The following BLTP1 variants were observed in gnomAD, a reference collection of about 807,000 sequenced individuals.
BLTP1 encodes the protein fragile site-associated protein.
chr4:122,257,174 G>A, the BLTP1 span: 3 of 1,365,164 alleles, frequency 2.2e-6, no homozygotes, highest in East Asian at 6.9e-5. Context: ...TATGAGATTT[G>A]AATAAATACA....
chr4:122,249,868 A>G, the BLTP1 span: 4 of 983,764 alleles, frequency 4.1e-6, no homozygotes, highest in African/African-American at 1.7e-5. Flanking sequence ...CTTTTCCTCC[A>G]TTATGTGATT....
chr4:122,168,629 A>G, the BLTP1 span, among the ~76,000 whole-genome samples: 1 of 152,134 alleles, frequency 6.6e-6, no homozygotes, highest in African/African-American at 2.4e-5. Context: ...CTCATGTTAT[A>G]AAGTTAGCCG....
chr4:122,273,368 G>GA, the BLTP1 span: 2 of 984,764 alleles, frequency 2.0e-6, no homozygotes, highest in Non-Finnish European at 2.4e-6. Flanking sequence ...ACGGTTCTCT[G>GA]AAAAAATTAG....
chr4:122,301,415 A>T, the BLTP1 span: 1 of 1,449,082 alleles, frequency 6.9e-7, no homozygotes, highest in Non-Finnish European at 9.3e-7. Flanking sequence ...AAATATAATG[A>T]TACTTTTATA....
the BLTP1 span, among the ~76,000 whole-genome samples, chr4:122,159,823 CT>C: frequency 3.3e-5 from 5 of 152,206 alleles, no homozygotes; most frequent in Admixed American, 2.0e-4. Flanking sequence ...TTAAAGCCTA[CT>C]CTATTTCTAA....
At chr4:122,276,876 G>A in the BLTP1 span, 2 of 984,304 alleles carry the variant, frequency 2.0e-6, no homozygotes, top group African/African-American at 3.5e-5. Flanking sequence ...TAGAGCTACT[G>A]TTGGGCTTTG....
At chr4:122,194,577 A>G in the BLTP1 span, 1 of 963,638 alleles carries the variant, frequency 1.0e-6, no homozygotes, top group Non-Finnish European at 1.2e-6. Flanking sequence ...ATCTCAAGAA[A>G]GGTTTATTTT....
the BLTP1 span, chr4:122,202,614 T>C: frequency 8.8e-6 from 6 of 682,672 alleles, no homozygotes; most frequent in East Asian, 4.0e-4. Flanking sequence ...TTAAAATAGA[T>C]ACCTATCATC....
At chr4:122,289,202 T>A in the BLTP1 span, 1 of 1,569,456 alleles carries the variant, frequency 6.4e-7, no homozygotes, top group Non-Finnish European at 8.7e-7. Context: ...GGTAAGATGA[T>A]CTAGTACCTT....
At chr4:122,304,543 T>C in the BLTP1 span, 1 of 170,726 alleles carries the variant, frequency 5.9e-6, no homozygotes. Context: ...ATGTACAATG[T>C]TTTTTAGACA....
chr4:122,240,313 G>A, the BLTP1 span: 12 of 1,613,950 alleles, frequency 7.4e-6, no homozygotes, highest in Non-Finnish European at 9.3e-6. Flanking sequence ...AGTGAAGAAA[G>A]TTCATCGTCA....
At chr4:122,263,662 T>G in the BLTP1 span, 1 of 1,027,054 alleles carries the variant, frequency 9.7e-7, no homozygotes, top group Non-Finnish European at 1.4e-6. Flanking sequence ...CAAAATCTTA[T>G]TTTTCAGGGG....
chr4:122,298,887 A>T, the BLTP1 span: 11 of 985,260 alleles, frequency 1.1e-5, no homozygotes, highest in Non-Finnish European at 1.2e-5. Context: ...AGAATGAGAT[A>T]AGAATTGTGG....
chr4:122,255,212 T>C, the BLTP1 span: 1 of 1,613,034 alleles, frequency 6.2e-7, no homozygotes, highest in Non-Finnish European at 8.5e-7. Context: ...AAATCCTTCA[T>C]GTTTACTATG....
chr4:122,202,192 C>G, the BLTP1 span, among the ~76,000 whole-genome samples: 1 of 152,074 alleles, frequency 6.6e-6, no homozygotes, highest in African/African-American at 2.4e-5. Flanking sequence ...TTCTCCAAGG[C>G]TTGAACCAAT....
chr4:122,265,020 C>A, the BLTP1 span, among the ~76,000 whole-genome samples: 1 of 152,070 alleles, frequency 6.6e-6, no homozygotes, highest in African/African-American at 2.4e-5. Flanking sequence ...AAAACATACT[C>A]TTTGGTTTGA....
At chr4:122,267,051 A>ATTTTTTTTTTTTTTTTTTTTTTTGTT in the BLTP1 span, 1 of 138,564 alleles carries the variant, frequency 7.2e-6, no homozygotes, top group African/African-American at 7.0e-5. Context: ...TAAGGAAGTA[A>ATTTTTTTTTTTTTTTTTTTTTTTGTT]TTTTTTTTTT....
the BLTP1 span, among the ~76,000 whole-genome samples, chr4:122,159,067 C>G: frequency 6.6e-6 from 1 of 152,198 alleles, no homozygotes. Context: ...GAATCATGCT[C>G]ACTAGTACTT....
At chr4:122,255,243 T>G in the BLTP1 span, 1 of 1,611,432 alleles carries the variant, frequency 6.2e-7, no homozygotes, top group Non-Finnish European at 8.5e-7. Flanking sequence ...CACCACTATC[T>G]GCACCAGGCA....
Sources: gnomAD v4.1 joint callset for allele counts (sites outside exome capture counted in the v4.1 genomes callset) on GRCh38, gnomAD v4.1.1 for gene constraint, MANE v1.5 for transcripts, NCBI Gene and HGNC (gene_info 2026-07-23, HGNC 2026-07-21) for gene names.